PARD3: variants seen among roughly 807,000 people sequenced by gnomAD.
PARD3 encodes partitioning defective 3 homolog.
A neutral mutation model predicts 155.4 loss-of-function variants in PARD3; 75 were observed. The observed-to-expected ratio is 0.48, with a 90% CI of 0.40 to 0.58. PARD3 has a LOEUF of 0.58. PARD3 is among the 20% of genes least tolerant of loss of function. The pLI is 0.00. For missense variants in PARD3, 1,642 were observed against 1,721.7 expected, an observed-to-expected ratio of 0.95 and a Z score of 0.82; for synonymous variants, 576 against 610.5, an observed-to-expected ratio of 0.94 and a Z score of 0.83.
At chr10:34,457,448 G>C (rs16935428) in intron 4 of PARD3, among the ~76,000 whole-genome samples, 11,550 of 152,208 alleles carry the variant, frequency 0.076, 1,324 homozygotes, top group African/African-American at 0.25. Flanking sequence ...CTGGAAGGAA[G>C]AAGCTAGACA....
chr10:34,212,891 G>T (rs758407560), intron 22 of PARD3, among the ~76,000 whole-genome samples: 1 of 152,130 alleles, frequency 6.6e-6, no homozygotes, highest in Non-Finnish European at 1.5e-5. Flanking sequence ...AGGCTCAGAG[G>T]CATCATCAGA....
intron 1 of PARD3, among the ~76,000 whole-genome samples, chr10:34,720,046 T>C (rs754826745): frequency 1.8e-4 from 28 of 152,240 alleles, no homozygotes; most frequent in Non-Finnish European, 3.4e-4. Flanking sequence ...GCACTGAAAT[T>C]TCAGCTTATG....
intron 2 of PARD3, among the ~76,000 whole-genome samples, chr10:34,656,452 G>GACGTGCATTTCAT (rs1192904186): frequency 6.6e-6 from 1 of 152,200 alleles, no homozygotes. Context: ...AAAGGAGAGT[G>GACGTGCATTTCAT]ACGTGCATTT....
chr10:34,761,360 A>C, intron 1 of PARD3, among the ~76,000 whole-genome samples: 1 of 152,172 alleles, frequency 6.6e-6, no homozygotes, highest in Non-Finnish European at 1.5e-5. Flanking sequence ...GCAGTGAACC[A>C]CAATCACACC....
At chr10:34,426,329 C>T (rs1341360330) in intron 5 of PARD3, among the ~76,000 whole-genome samples, 1 of 152,158 alleles carries the variant, frequency 6.6e-6, no homozygotes, top group East Asian at 1.9e-4. Flanking sequence ...TTCCTCGTTA[C>T]TCATAGCATT....
At chr10:34,686,320 G>T (rs2093953425) in intron 2 of PARD3, among the ~76,000 whole-genome samples, 1 of 151,850 alleles carries the variant, frequency 6.6e-6, no homozygotes, top group Admixed American at 6.6e-5. Context: ...ACATACTCAA[G>T]TTGCTTTTAA....
intron 5 of PARD3, among the ~76,000 whole-genome samples, chr10:34,425,410 A>G (rs748713727): frequency 6.6e-6 from 1 of 152,004 alleles, no homozygotes; most frequent in Non-Finnish European, 1.5e-5. Context: ...AAATTCCACC[A>G]ATTTGCTTTT....
chr10:34,569,650 C>A (rs970247121), intron 2 of PARD3, among the ~76,000 whole-genome samples: 2 of 152,132 alleles, frequency 1.3e-5, no homozygotes, highest in Admixed American at 6.5e-5. Context: ...ATCTCCTGAT[C>A]TCGTGATCCG....
intron 2 of PARD3, among the ~76,000 whole-genome samples, chr10:34,574,230 T>C (rs2086708967): frequency 6.6e-6 from 1 of 152,220 alleles, no homozygotes; most frequent in South Asian, 2.1e-4. Flanking sequence ...ACTTATGGGT[T>C]AAAAATCATT....
chr10:34,344,242 T>C (rs191044523), intron 15 of PARD3: 1 of 985,054 alleles, frequency 1.0e-6, no homozygotes, highest in East Asian at 1.1e-4. Flanking sequence ...ATGCTGACTA[T>C]CCCTGTTGCT....
chr10:34,804,031 TTTTG>T (rs1843088481), intron 1 of PARD3, among the ~76,000 whole-genome samples: 1 of 129,906 alleles, frequency 7.7e-6, no homozygotes, highest in Non-Finnish European at 1.5e-5. Context: ...CTTGATTTGT[TTTTG>T]TTTTTTTTTT....
intron 3 of PARD3, among the ~76,000 whole-genome samples, chr10:34,506,438 T>C (rs2081067681): frequency 2.0e-5 from 3 of 152,202 alleles, no homozygotes; most frequent in Admixed American, 6.5e-5. Flanking sequence ...GAAAATCTTT[T>C]CTAAGTCTCT....
intron 2 of PARD3, among the ~76,000 whole-genome samples, chr10:34,681,761 T>TAG (rs2093840429): frequency 8.9e-5 from 2 of 22,398 alleles, no homozygotes; most frequent in Non-Finnish European, 1.5e-4. Flanking sequence ...TATATATATA[T>TAG]ATATATATTT....
At chr10:34,701,770 A>G (rs1319877461) in intron 1 of PARD3, among the ~76,000 whole-genome samples, 2 of 152,102 alleles carry the variant, frequency 1.3e-5, no homozygotes, top group African/African-American at 4.8e-5. Flanking sequence ...GGTGGTGTGC[A>G]CCTGTGCCCA....
At chr10:34,774,663 C>T (rs192987701) in intron 1 of PARD3, among the ~76,000 whole-genome samples, 1 of 152,088 alleles carries the variant, frequency 6.6e-6, no homozygotes, top group African/African-American at 2.4e-5. Context: ...AAAACAAAAG[C>T]AGCAATTGAA....
intron 5 of PARD3, among the ~76,000 whole-genome samples, chr10:34,441,957 T>C (rs906360156): frequency 6.6e-6 from 1 of 152,196 alleles, no homozygotes; most frequent in Non-Finnish European, 1.5e-5. Context: ...TCTTATAAAA[T>C]AGAAGTTCTG....
chr10:34,713,099 C>A (rs2094470939), intron 1 of PARD3, among the ~76,000 whole-genome samples: 1 of 152,030 alleles, frequency 6.6e-6, no homozygotes, highest in Non-Finnish European at 1.5e-5. Context: ...GTAATCCCAA[C>A]TACTTGGGAG....
intron 3 of PARD3, among the ~76,000 whole-genome samples, chr10:34,509,965 T>TCC (rs1417234128): frequency 1.3e-5 from 2 of 152,178 alleles, no homozygotes; most frequent in African/African-American, 4.8e-5. Context: ...TCTAGATCCC[T>TCC]CCTTTCAACA....
intron 22 of PARD3, among the ~76,000 whole-genome samples, chr10:34,188,052 T>C (rs1029459219): frequency 6.6e-6 from 1 of 152,196 alleles, no homozygotes; most frequent in African/African-American, 2.4e-5. Context: ...TCAATTGAAA[T>C]GTTCAGCATA....
Sources: gnomAD v4.1 joint callset for allele counts (sites outside exome capture counted in the v4.1 genomes callset) on GRCh38, gnomAD v4.1.1 for gene constraint, MANE v1.5 for transcripts, NCBI Gene and HGNC (gene_info 2026-07-23, HGNC 2026-07-21) for gene names.